MAGI2: variants seen among roughly 807,000 people sequenced by gnomAD.
MAGI2 encodes membrane-associated guanylate kinase, WW and PDZ domain-containing protein 2.
In MAGI2, 35 loss-of-function variants were observed where a neutral mutation model predicts 133.3. The observed-to-expected ratio is 0.26, with a 90% confidence interval of 0.20 to 0.35. MAGI2 has a LOEUF of 0.35. MAGI2 is among the 10% of genes least tolerant of loss of function. The pLI, the probability that MAGI2 is intolerant of heterozygous loss-of-function variation, is 1.00. For synonymous variants in MAGI2, 729 were observed against 710.6 expected (o/e 1.03, Z -0.41); for missense variants, 1,636 against 1,863.4 (o/e 0.88, Z 2.25).
At chr7:78,050,493 C>T (rs549971460) in intron 21 of MAGI2, among the ~76,000 whole-genome samples, 1 of 152,358 alleles carries the variant, frequency 6.6e-6, no homozygotes, top group African/African-American at 2.4e-5. Context: ...ACTTTCTAAA[C>T]ATGCCTGGGA....
chr7:79,229,032 T>G lies in MAGI2; in HGVS notation c.302-221826A>C, dbSNP rs139913076. Among the ~76,000 whole-genome samples the G allele has an allele frequency of 3.2e-3, 484 of 152,122 alleles. 1 individual carries two copies. Among genetic ancestry groups the G allele is most frequent in the African/African-American group, 0.011 (459 of 41,498 alleles). On this transcript the variant is annotated intron_variant, in intron 1 of 21. Transcript: ENST00000354212. ...TAGGAAGAGTTGTATTTACTTCTTGTGAACTTTGTTCCAAGTCTGAAGTAA... is the reference window on the plus strand; with the variant it reads ...TAGGAAGAGTTGTATTTACTTCTTGGGAACTTTGTTCCAAGTCTGAAGTAA...
chr7:78,459,914 G>A (rs1193603990), intron 6 of MAGI2, among the ~76,000 whole-genome samples: 2 of 152,202 alleles, frequency 1.3e-5, no homozygotes, highest in African/African-American at 4.8e-5. Context: ...TTTGGTGAAT[G>A]CAGAAATAGT....
intron 2 of MAGI2, among the ~76,000 whole-genome samples, chr7:78,684,045 T>A (rs1456347953): frequency 6.6e-6 from 1 of 152,188 alleles, no homozygotes; most frequent in East Asian, 1.9e-4. Context: ...CACGTAAGGT[T>A]GTTTTCATAG....
chr7:79,135,134 T>A (rs1172646585), intron 1 of MAGI2, among the ~76,000 whole-genome samples: 1 of 152,172 alleles, frequency 6.6e-6, no homozygotes, highest in Non-Finnish European at 1.5e-5. Flanking sequence ...ACTATGGATA[T>A]GATTTATATG....
At chr7:78,755,422 A>C (rs1003774188) in intron 2 of MAGI2, among the ~76,000 whole-genome samples, 2 of 152,184 alleles carry the variant, frequency 1.3e-5, no homozygotes, top group African/African-American at 4.8e-5. Flanking sequence ...ATTCTATGAA[A>C]ATTTTTTTGA....
intron 1 of MAGI2, among the ~76,000 whole-genome samples, chr7:79,294,319 G>A (rs1264722655): frequency 1.3e-5 from 2 of 151,854 alleles, no homozygotes; most frequent in East Asian, 3.9e-4. Flanking sequence ...CGGACACATA[G>A]AAGGGTGCGA....
chr7:78,884,724 A>G (rs1047578906), intron 2 of MAGI2, among the ~76,000 whole-genome samples: 19 of 152,158 alleles, frequency 1.2e-4, no homozygotes, highest in African/African-American at 4.3e-4. Flanking sequence ...TTTTGGTGGA[A>G]ATGTAAATTA....
chr7:79,403,500 A>G (rs1236454007), intron 1 of MAGI2, among the ~76,000 whole-genome samples: 1 of 152,124 alleles, frequency 6.6e-6, no homozygotes, highest in African/African-American at 2.4e-5. Context: ...ACTTCTGGAT[A>G]AAGTATAGAA....
At chr7:78,435,207 C>T (rs1017396926) in intron 6 of MAGI2, among the ~76,000 whole-genome samples, 1 of 152,112 alleles carries the variant, frequency 6.6e-6, no homozygotes, top group African/African-American at 2.4e-5. Context: ...GTTAAGAAGG[C>T]CTAGCATAGT....
chr7:78,153,728 C>A (rs62461235), intron 16 of MAGI2, among the ~76,000 whole-genome samples: 17,500 of 152,160 alleles, frequency 0.12, 1,060 homozygotes, highest in Non-Finnish European at 0.12. Flanking sequence ...TTTTTACACA[C>A]CAACAAAACT....
intron 3 of MAGI2, chr7:78,617,351 TA>T (rs1318225856): frequency 6.6e-6 from 1 of 152,136 alleles, no homozygotes; most frequent in Non-Finnish European, 1.5e-5. Context: ...GAAAAATTCA[TA>T]TTTGTAGAGT....
intron 3 of MAGI2, among the ~76,000 whole-genome samples, chr7:78,526,680 A>G (rs1313277260): frequency 6.6e-6 from 1 of 152,182 alleles, no homozygotes; most frequent in Non-Finnish European, 1.5e-5. Context: ...TGGGGCTATG[A>G]AAATGTGGAA....
At chr7:79,034,725 T>TGTGAAAAATCCAATACTGACCA (rs36120786) in intron 1 of MAGI2, among the ~76,000 whole-genome samples, 39,340 of 151,760 alleles carry the variant, frequency 0.26, 5,188 homozygotes, top group Middle Eastern at 0.35. Flanking sequence ...AGCAGGCAAA[T>TGTGAAAAATCCAATACTGACCA]GTGAAAAATC....
intron 1 of MAGI2, among the ~76,000 whole-genome samples, chr7:79,219,398 C>A: frequency 6.6e-6 from 1 of 151,976 alleles, no homozygotes; most frequent in East Asian, 1.9e-4. Flanking sequence ...TTTAAATGAT[C>A]CCATTTGCTT....
At chr7:78,798,094 T>C (rs1354779348) in intron 2 of MAGI2, among the ~76,000 whole-genome samples, 1 of 152,136 alleles carries the variant, frequency 6.6e-6, no homozygotes, top group Non-Finnish European at 1.5e-5. Flanking sequence ...GTTTTTGAAA[T>C]ACAGAACAAA....
intron 21 of MAGI2, among the ~76,000 whole-genome samples, chr7:78,077,665 T>G (rs2151182760): frequency 6.6e-6 from 1 of 151,804 alleles, no homozygotes; most frequent in African/African-American, 2.4e-5. Context: ...AAGGAGATAT[T>G]AGCTATTTAG....
At chr7:79,097,155 T>A (rs1817587346) in intron 1 of MAGI2, among the ~76,000 whole-genome samples, 1 of 152,226 alleles carries the variant, frequency 6.6e-6, no homozygotes. Context: ...ATTGATTCAG[T>A]GAATCCTCAA....
chr7:78,415,410 A>G (rs773237142), intron 6 of MAGI2, among the ~76,000 whole-genome samples: 3 of 152,108 alleles, frequency 2.0e-5, no homozygotes, highest in Non-Finnish European at 4.4e-5. Flanking sequence ...TAAAGACATT[A>G]TCCTAACTCT....
chr7:79,416,714 C>CTTT (rs1434721644), intron 1 of MAGI2, among the ~76,000 whole-genome samples: 2 of 111,860 alleles, frequency 1.8e-5, no homozygotes, highest in East Asian at 6.0e-4. Flanking sequence ...TTTTTCTTTT[C>CTTT]TTTTCTTTTT....
Sources: gnomAD v4.1 joint callset for allele counts (sites outside exome capture counted in the v4.1 genomes callset) on GRCh38, gnomAD v4.1.1 for gene constraint, MANE v1.5 for transcripts, NCBI Gene and HGNC (gene_info 2026-07-23, HGNC 2026-07-21) for gene names.